Variants in DDX18 observed in about 807,000 individuals in gnomAD.
The protein encoded by DDX18 is ATP-dependent RNA helicase DDX18.
A neutral mutation model predicts 73.5 loss-of-function variants in DDX18; 23 were observed. That is an observed-to-expected ratio of 0.31 (90% CI 0.23 to 0.44). The LOEUF (loss-of-function observed/expected upper bound fraction) is 0.44, where lower values mean the gene tolerates loss of function less well. DDX18 is among the 20% of genes least tolerant of loss of function. The pLI is 1.00. For missense variants in DDX18, 753 were observed against 792.9 expected (o/e 0.95, Z 0.60); for synonymous variants, 268 against 282.7 (o/e 0.95, Z 0.52).
rs187810830 is a variant in DDX18 at position 117,824,572 on chromosome 2, G to A, written c.1070G>A (p.Arg357His). The A allele has an allele frequency of 7.5e-5, 108 of 1,434,880 alleles. No homozygotes were observed. Among genetic ancestry groups the A allele is most frequent in the Admixed American group, 2.5e-4 (9 of 36,708 alleles). The allele number at this position is 1,434,880 out of a possible 1,614,324, so 88.9% of individuals were successfully genotyped here. The change falls in exon 8 of 14, where the codon CGT becomes CAT. Residue 357 changes from arginine to histidine, a missense_variant. By Grantham distance (29) the Arg-to-His change is conservative (BLOSUM62 0). Around this residue, in one of 3 missense-constraint regions of DDX18, gnomAD observed 402 missense variants for 419.4 expected, o/e 0.96. Transcript: ENST00000263239. ...TTTTTATATGTATCTGTTTCAGCAC[G>A]TAGACAGACTATGCTCTTTTCTGCC... ...LKQIIKLLPT[R>H]RQTMLFSATQ...
chr2:117,825,113 T>A lies in DDX18; in HGVS notation c.1368+12T>A. 2 of 1,603,148 alleles carry A rather than the reference T, an allele frequency of 1.2e-6. No individual in the cohort carries two copies. ...TCTTGGCCATTCATGTAAGTGATGATGATGAGCTCATTGAAAACAGGGTAT... is the reference window on the plus strand; with the variant it reads ...TCTTGGCCATTCATGTAAGTGATGAAGATGAGCTCATTGAAAACAGGGTAT... On this transcript the variant is annotated intron_variant, in intron 9 of 13. Coordinates refer to ENST00000263239, the MANE Select transcript of DDX18 (RefSeq NM_006773.4).
intron 1 of DDX18, 79 bp downstream of exon 1, chr2:117,814,941 G>A: frequency 1.4e-6 from 2 of 1,452,888 alleles, no homozygotes; most frequent in Non-Finnish European, 1.9e-6. Context: ...GGGCCCAGCT[G>A]CTCTGTGTGA....
intron 13 of DDX18, 90 bp downstream of exon 13, chr2:117,829,556 G>A: frequency 7.9e-7 from 1 of 1,259,744 alleles, no homozygotes; most frequent in Non-Finnish European, 1.1e-6. Flanking sequence ...ATTGGTATGT[G>A]TTCTGGCTCA....
At chr2:117,820,934 G>A (rs1489717622) in intron 3 of DDX18, among the ~76,000 whole-genome samples, 1 of 151,812 alleles carries the variant, frequency 6.6e-6, no homozygotes, top group Non-Finnish European at 1.5e-5. Flanking sequence ...TCTACCCCTT[G>A]TTTTGTTATA....
In DDX18 at chr2:117,825,425, G is replaced by A. The variant is rs146612332; in HGVS notation, c.1369-22G>A. The A allele has an allele frequency of 3.5e-4, 569 of 1,604,600 alleles. 6 individuals are homozygous for A. In the African/African-American group the frequency reaches 6.8e-3, roughly 19 times the overall value. On this transcript the variant is annotated intron_variant, in intron 9 of 13. Transcript: ENST00000263239. ...TCTTCCTCAAGATTCCAGCTCTAAT[G>A]GATGTTTTTATTTAATTCTAGGGAA...
In DDX18 at chr2:117,830,681, A is replaced by C. The variant is rs1335472371; in HGVS notation, c.1970A>C (p.His657Pro). The C allele has an allele frequency of 6.2e-7, 1 of 1,613,666 alleles. No homozygotes were observed. The highest frequency in any genetic ancestry group is 1.3e-5 in the African/African-American group (1 of 74,912). Reference sequence around the variant, plus strand: ...GTTGAGAAATCCAAAATCTTTAAACACATTAGCAAGAAATCATCTGACAGC... The same window carrying C: ...GTTGAGAAATCCAAAATCTTTAAACCCATTAGCAAGAAATCATCTGACAGC... ...KKVEKSKIFK[H>P]ISKKSSDSRQ... Residue 657 changes from histidine to proline, a missense_variant, in exon 14 of 14, where the codon CAC becomes CCC. By Grantham distance (77) the His-to-Pro change is moderately conservative. Transcript: ENST00000263239.
chr2:117,820,190 A>G (rs1679824071), intron 3 of DDX18, among the ~76,000 whole-genome samples: 2 of 152,218 alleles, frequency 1.3e-5, no homozygotes, highest in Non-Finnish European at 2.9e-5. Context: ...TCCTAACCAG[A>G]TATGTCTAGG....
intron 1 of DDX18, chr2:117,815,652 T>C (rs1024764405): frequency 1.3e-5 from 2 of 152,256 alleles, no homozygotes; most frequent in African/African-American, 4.8e-5. Flanking sequence ...TTTAGGAATA[T>C]GTTTTGAAAT....
In DDX18 at chr2:117,819,268, T is replaced by C. The variant is rs1679806459; in HGVS notation, c.371-381T>C. On this transcript the variant is annotated intron_variant, in intron 2 of 13. Transcript: ENST00000263239. ...GGGTTGTTGCCCTTCCTTTACAGTCTATCTCTAGTAACATGAAGAGCCTTT... is the reference window on the plus strand; with the variant it reads ...GGGTTGTTGCCCTTCCTTTACAGTCCATCTCTAGTAACATGAAGAGCCTTT... Among the ~76,000 whole-genome samples the C allele has an allele frequency of 2.0e-5, 3 of 152,192 alleles. No individual in the cohort carries two copies. The South Asian group carries it at 6.2e-4, about 32-fold the overall frequency.
At chr2:117,824,834 A>T in intron 8 of DDX18, 106 bp from the exon 9 acceptor site, 11 of 1,472,624 alleles carry the variant, frequency 7.5e-6, no homozygotes, top group Non-Finnish European at 1.0e-5. Context: ...GAGGCATGAC[A>T]GTTTACACAC....
chr2:117,825,167 TGGAGG>T, intron 9 of DDX18, 66 bp downstream of exon 9: 1 of 1,534,528 alleles, frequency 6.5e-7, no homozygotes, highest in Non-Finnish European at 8.8e-7. Flanking sequence ...ATTGTAGGAT[TGGAGG>T]TATTGCCCTC....
At chr2:117,822,321 G>A (rs1481843130) in intron 7 of DDX18, 60 bp downstream of exon 7, 6 of 1,355,240 alleles carry the variant, frequency 4.4e-6, no homozygotes, top group Non-Finnish European at 6.3e-6. Flanking sequence ...GATAAGAGTT[G>A]TTCCTATAGA....
At chr2:117,821,462 G>A (rs572836114) in intron 4 of DDX18, among the ~76,000 whole-genome samples, 166 bp downstream of exon 4, 91 of 152,326 alleles carry the variant, frequency 6.0e-4, no homozygotes, top group South Asian at 3.3e-3. Flanking sequence ...GAAAGTGTTC[G>A]AAAGGTGTTC....
In DDX18 at chr2:117,825,523, C is replaced by T. The variant is rs1360857446; in HGVS notation, c.1445C>T (p.Thr482Met). 1 of 1,614,126 alleles carries T rather than the reference C, an allele frequency of 6.2e-7. No individual in the cohort carries two copies. The highest frequency in any genetic ancestry group is 8.5e-7 in the Non-Finnish European group (1 of 1,180,000). ...GCAGATTCGGGAACACTATTGTGTA[C>T]GGATGTGGCAGCGAGAGGACTAGAC... ...CNADSGTLLC[T>M]DVAARGLDIP... is the part of the protein sequence containing the mutation. Residue 482 changes from threonine (T) to methionine (M), a missense_variant, in exon 10 of 14, where the codon ACG becomes ATG. Around this residue, in one of 3 missense-constraint regions of DDX18, gnomAD observed 402 missense variants for 419.4 expected, o/e 0.96. Transcript: ENST00000263239.
At position 117,830,621 on chromosome 2, in the gene DDX18, G is replaced by A. The variant is rs748522382; in HGVS notation, c.1910G>A (p.Gly637Asp). 5.0e-6 allele frequency: 8 copies of A among 1,613,722 alleles called. No individual in the cohort carries two copies. The South Asian group carries it at 5.5e-5, about 11-fold the overall frequency. The change falls in exon 14 of 14, where the codon GGT becomes GAT. Residue 637 changes from glycine to aspartate, a missense_variant. Transcript: ENST00000263239. ...SNEGKQKKRG[G>D]GGGFGYQKTK... ...GAAGGCAAGCAGAAAAAGCGAGGAG[G>A]TGGTGGTGGATTTGGCTACCAGAAA...
Position 117,821,759 on chromosome 2 carries a change from T to TC in DDX18, c.751+10dup. On this transcript the variant is annotated intron_variant, in intron 5 of 13. Coordinates refer to ENST00000263239, the MANE Select transcript of DDX18 (RefSeq NM_006773.4). ...GTTCATGCCCAGGAATGGTAAGCGT[T>TC]CATCTGCTTGTTTCTGCCATTATTT... 3 of 1,613,974 alleles carry TC rather than the reference T, an allele frequency of 1.9e-6. No individual in the cohort carries two copies. Among genetic ancestry groups the TC allele is most frequent in the Non-Finnish European group, 1.7e-6 (2 of 1,179,890 alleles).
In DDX18 at chr2:117,819,663, A is replaced by G; in HGVS notation, c.385A>G (p.Lys129Glu). The change falls in exon 3 of 14, where the codon AAA becomes GAA. Residue 129 changes from lysine to glutamate, a missense_variant. Transcript: ENST00000263239. ...NDAEPDTKKA[K>E]TENKGKSEEE... Reference sequence around the variant, plus strand: ...TAAAACCAAAGATACGAAAAAAGCAAAAACTGAAAACAAAGGGAAATCTGA... The same window carrying G: ...TAAAACCAAAGATACGAAAAAAGCAGAAACTGAAAACAAAGGGAAATCTGA... 7 of 1,583,144 alleles carry G rather than the reference A, an allele frequency of 4.4e-6. No individual in the cohort carries two copies. The highest frequency in any genetic ancestry group is 6.0e-6 in the Non-Finnish European group (7 of 1,171,334).
Position 117,821,881 on chromosome 2 carries a change from C to G in DDX18, c.771C>G (p.Leu257=), listed in dbSNP as rs1281936522. 5 of 1,614,062 alleles carry G rather than the reference C, an allele frequency of 3.1e-6. No individual in the cohort carries two copies. In the South Asian group the frequency reaches 4.4e-5, roughly 14 times the overall value. The part of the protein sequence containing the change: ...MPRNGTGVLI[L]SPTRELAMQT... Reference sequence around the variant, plus strand: ...TTTTAGGAACAGGAGTCCTTATTCTCTCACCTACTAGAGAACTAGCCATGC... The same window carrying G: ...TTTTAGGAACAGGAGTCCTTATTCTGTCACCTACTAGAGAACTAGCCATGC... Residue 257 remains leucine (L), a synonymous_variant, in exon 6 of 14, where the codon CTC becomes CTG. Transcript: ENST00000263239.
Position 117,831,191 on chromosome 2 carries a change from T to A in DDX18, c.*467T>A, listed in dbSNP as rs557123799. The A allele has an allele frequency of 6.4e-6, 1 of 155,068 alleles. No individual in the cohort carries two copies. The highest frequency in any genetic ancestry group is 1.4e-5 in the Non-Finnish European group (1 of 70,320). The allele number at this position is 155,068 out of a possible 1,614,324, so 9.6% of individuals were successfully genotyped here. On this transcript the variant is annotated 3_prime_UTR_variant, in exon 14 of 14. Transcript: ENST00000263239. Reference sequence around the variant, plus strand: ...TTGTTTTTAGTTATTTCTTGGACCTTGACAGTATCTAATGACTCCTCCTGA... The same window carrying A: ...TTGTTTTTAGTTATTTCTTGGACCTAGACAGTATCTAATGACTCCTCCTGA...
Sources: gnomAD v4.1 joint callset for allele counts (sites outside exome capture counted in the v4.1 genomes callset) on GRCh38, gnomAD v4.1.1 for gene constraint, gnomAD v4.1.1 regional missense constraint, MANE v1.5 for transcripts, NCBI Gene and HGNC (gene_info 2026-07-23, HGNC 2026-07-21) for gene names.